GPNMB: variants seen among roughly 807,000 people sequenced by gnomAD.
GPNMB encodes the protein transmembrane glycoprotein NMB.
GPNMB carries 71 observed loss-of-function variants against 57.3 expected under a neutral mutation model. The ratio of observed to expected loss-of-function variants is 1.24; its 90% confidence interval spans 1.02 to 1.51. GPNMB has a LOEUF of 1.51. Ranked by LOEUF, GPNMB falls within the 40% of genes most tolerant of loss-of-function variation. The pLI, the probability that GPNMB is intolerant of heterozygous loss-of-function variation, is 0.00. For synonymous variants in GPNMB, 253 were observed against 263.2 expected, an observed-to-expected ratio of 0.96 and a Z score of 0.38; for missense variants, 677 against 691.9, an observed-to-expected ratio of 0.98 and a Z score of 0.24.
chr7:23,251,817 G>T (rs1181398420), intron 1 of GPNMB, among the ~76,000 whole-genome samples: 1 of 152,134 alleles, frequency 6.6e-6, no homozygotes, highest in Admixed American at 6.6e-5. Context: ...ATCTGCTCCT[G>T]CCCAAATTGT....
At chr7:23,250,593 G>C (rs1168968710) in intron 1 of GPNMB, 1 of 152,150 alleles carries the variant, frequency 6.6e-6, no homozygotes, top group Non-Finnish European at 1.5e-5. Flanking sequence ...AGTAGAGCAT[G>C]CTTGTGTGGG....
At position 23,260,048 on chromosome 7, in the gene GPNMB, G is replaced by T. The variant is rs369048894; in HGVS notation, c.610G>T (p.Gly204Trp). The stretch of plus-strand genomic sequence containing the variant: ...TGTGAACACAGCCAATGTGACACTT[G>T]GGCCTCAACTCATGGAAGTGACTGT... ...VSVNTANVTL[G>W]PQLMEVTVYR... The change falls in exon 5 of 11, where the codon GGG (glycine) becomes TGG (tryptophan). Residue 204 changes from glycine (G) to tryptophan (W), a missense_variant. Coordinates refer to ENST00000258733, the MANE Select transcript of GPNMB (RefSeq NM_002510.3). 2.5e-6 allele frequency: 4 copies of T among 1,613,986 alleles called. No homozygotes were observed. Among genetic ancestry groups the T allele is most frequent in the Non-Finnish European group, 3.4e-6 (4 of 1,179,868 alleles).
At chr7:23,250,828 A>T (rs1782644145) in intron 1 of GPNMB, 1 of 152,240 alleles carries the variant, frequency 6.6e-6, no homozygotes, top group African/African-American at 2.4e-5. Flanking sequence ...GAATCAAAAG[A>T]TGTGAATCTT....
rs185745128 is a variant in GPNMB at position 23,259,455 on chromosome 7, T to C, written c.542-525T>C. The stretch of plus-strand genomic sequence containing the variant: ...CCTCGGCCTCCCAAAATGCTGGGAT[T>C]ACAGGCATGAGCTACCGCGCCCAGC... On this transcript the variant is annotated intron_variant, in intron 4 of 10. Coordinates refer to ENST00000258733, the MANE Select transcript of GPNMB (RefSeq NM_002510.3). 3.9e-5 allele frequency among the ~76,000 whole-genome samples: 6 copies of C among 152,304 alleles called. No individual in the cohort carries two copies. In the East Asian group the frequency reaches 1.2e-3, roughly 29 times the overall value.
At chr7:23,251,028 A>G (rs892677253) in intron 1 of GPNMB, among the ~76,000 whole-genome samples, 1 of 152,238 alleles carries the variant, frequency 6.6e-6, no homozygotes, top group Non-Finnish European at 1.5e-5. Context: ...ATTTCCAAAT[A>G]GGAGCAATCT....
intron 4 of GPNMB, among the ~76,000 whole-genome samples, chr7:23,259,406 T>A (rs1038939523): frequency 1.3e-5 from 2 of 152,014 alleles, no homozygotes; most frequent in African/African-American, 4.8e-5. Context: ...ATGGTCTCCA[T>A]CTCCTGACCT....
At position 23,268,005 on chromosome 7, in the gene GPNMB, C is replaced by T. The variant is rs193013106; in HGVS notation, c.1220+17C>T. On this transcript the variant is annotated intron_variant, in intron 8 of 10. Transcript: ENST00000258733. ...CCAAGGGAGGTGAGTATATTATCTC[C>T]GACAGAGGCATGGGTGGGTCAACTG... 2.2e-5 allele frequency: 33 copies of T among 1,484,578 alleles called. No individual in the cohort carries two copies. The highest frequency in any genetic ancestry group is 9.4e-5 in the African/African-American group (5 of 53,256). The allele number at this position is 1,484,578 out of a possible 1,614,324, so 92.0% of individuals were successfully genotyped here.
intron 6 of GPNMB, among the ~76,000 whole-genome samples, chr7:23,263,674 C>A (rs17147998): frequency 2.0e-5 from 3 of 150,548 alleles, no homozygotes; most frequent in African/African-American, 4.9e-5. Flanking sequence ...AGTTTTATTG[C>A]GAAGGAAAGC....
intron 6 of GPNMB, among the ~76,000 whole-genome samples, chr7:23,262,413 G>A (rs959530296): frequency 1.3e-5 from 2 of 151,742 alleles, no homozygotes; most frequent in South Asian, 2.1e-4. Flanking sequence ...TACACATAAG[G>A]TTTGTTTTGG....
intron 4 of GPNMB, among the ~76,000 whole-genome samples, chr7:23,259,255 A>G (rs1782853735): frequency 6.6e-6 from 1 of 152,044 alleles, no homozygotes. Flanking sequence ...GTGTGATCTC[A>G]GCTCACTGGA....
rs2268748 is a variant in GPNMB, at chr7:23,273,552, T to C, written c.1461T>C (p.Ser487=). The change falls in exon 10 of 11, where the codon AGT becomes AGC. Residue 487 remains serine (S), a synonymous_variant. Coordinates refer to ENST00000258733, the MANE Select transcript of GPNMB (RefSeq NM_002510.3). ...CCTCGCCTTTAAGGATGGCAAACAG[T>C]GCCCTGATCTCCGTTGGCTGCTTGG... ...DPASPLRMAN[S]ALISVGCLAI... 99,208 of 1,613,260 alleles carry C rather than the reference T, an allele frequency of 0.061. 7,423 individuals carry two copies. The highest frequency in any genetic ancestry group is 0.39 in the East Asian group (17,285 of 44,840).
chr7:23,263,034 A>AT (rs146257332), intron 6 of GPNMB, among the ~76,000 whole-genome samples: 4 of 152,036 alleles, frequency 2.6e-5, no homozygotes, highest in East Asian at 1.9e-4. Flanking sequence ...AGGAGAAGCA[A>AT]TTTTTTTTAT....
intron 1 of GPNMB, 86 bp from the exon 2 acceptor site, chr7:23,253,221 T>C (rs1782697904): frequency 2.5e-6 from 3 of 1,195,954 alleles, no homozygotes; most frequent in Admixed American, 2.1e-5. Flanking sequence ...TATGTGCTTT[T>C]CAACAGTAAG....
intron 7 of GPNMB, 31 bp downstream of exon 7, chr7:23,266,646 G>A (rs1412797890): frequency 6.2e-6 from 10 of 1,607,306 alleles, no homozygotes; most frequent in Non-Finnish European, 8.5e-6. Context: ...CAGTGAGGAA[G>A]GATGCTAGAC....
chr7:23,253,413 C>T lies in GPNMB; in HGVS notation c.177C>T (p.Tyr59=), dbSNP rs1365917625. The part of the protein sequence containing the change: ...SDENDWNEKL[Y]PVWKRGDMRW... Reference sequence around the variant, plus strand: ...AAAATGACTGGAATGAAAAACTCTACCCAGTGTGGAAGCGGGGAGACATGA... The same window carrying T: ...AAAATGACTGGAATGAAAAACTCTATCCAGTGTGGAAGCGGGGAGACATGA... Residue 59 remains tyrosine, a synonymous_variant, in exon 2 of 11, where the codon TAC becomes TAT. Transcript: ENST00000258733. The T allele has an allele frequency of 1.9e-6, 3 of 1,613,772 alleles. No individual in the cohort carries two copies. Among genetic ancestry groups the T allele is most frequent in the South Asian group, 1.1e-5 (1 of 91,050 alleles).
chr7:23,264,434 G>A (rs934992358), intron 6 of GPNMB, among the ~76,000 whole-genome samples: 1 of 151,844 alleles, frequency 6.6e-6, no homozygotes, highest in Non-Finnish European at 1.5e-5. Context: ...GTGCAGTAGT[G>A]CAATCTCAGC....
intron 8 of GPNMB, among the ~76,000 whole-genome samples, chr7:23,268,512 T>G (rs1783123811): frequency 6.6e-6 from 1 of 152,238 alleles, no homozygotes; most frequent in South Asian, 2.1e-4. Flanking sequence ...TTATATAATT[T>G]GGTTTCCTAT....
chr7:23,250,168 A>G (rs1782628696), intron 1 of GPNMB, among the ~76,000 whole-genome samples: 1 of 152,334 alleles, frequency 6.6e-6, no homozygotes, highest in Middle Eastern at 3.4e-3. Flanking sequence ...TATATTCTAA[A>G]TACTAGTCCT....
At chr7:23,266,395 G>C in intron 6 of GPNMB, 122 bp from the exon 7 acceptor site, 1 of 873,268 alleles carries the variant, frequency 1.1e-6, no homozygotes, top group Non-Finnish European at 1.8e-6. Context: ...CAATTTCATA[G>C]TATAGTGTTC....
Sources: allele counts gnomAD v4.1 joint callset (sites outside exome capture counted in the v4.1 genomes callset), GRCh38; gene constraint gnomAD v4.1.1; transcripts MANE v1.5; gene names NCBI Gene and HGNC (gene_info 2026-07-23, HGNC 2026-07-21).